The following GALNTL6 variants were observed in gnomAD, a reference collection of about 807,000 sequenced individuals.
GALNTL6 encodes the protein polypeptide N-acetylgalactosaminyltransferase-like 6.
Under a neutral mutation model 73.7 loss-of-function variants are expected in GALNTL6, and 46 were observed. That is an observed-to-expected ratio of 0.62 (90% CI 0.49 to 0.80). GALNTL6 has a LOEUF of 0.80. GALNTL6 is among the 30% of genes least tolerant of loss of function. GALNTL6 has a pLI of 0.00. For missense variants in GALNTL6, 604 were observed against 755.0 expected (o/e 0.80, Z 2.34); for synonymous variants, 259 against 263.7 (o/e 0.98, Z 0.17).
intron 12 of GALNTL6, 73 bp from the exon 13 acceptor site, chr4:173,039,860 T>C: frequency 9.1e-7 from 1 of 1,101,920 alleles, no homozygotes; most frequent in Non-Finnish European, 1.3e-6. Context: ...AATATCTTAC[T>C]TCTGTATATT....
chr4:172,900,806 T>TA (rs1746590427), intron 8 of GALNTL6, among the ~76,000 whole-genome samples: 1 of 152,192 alleles, frequency 6.6e-6, no homozygotes, highest in Non-Finnish European at 1.5e-5. Flanking sequence ...AAGCAAGAGA[T>TA]ACCTGGCTTT....
At chr4:172,051,127 T>G (rs984114420) in intron 2 of GALNTL6, among the ~76,000 whole-genome samples, 1 of 152,084 alleles carries the variant, frequency 6.6e-6, no homozygotes, top group Non-Finnish European at 1.5e-5. Context: ...ACAGGATGTG[T>G]GACAGGGGTG....
intron 2 of GALNTL6, among the ~76,000 whole-genome samples, chr4:172,172,356 C>T (rs1176399918): frequency 2.0e-5 from 3 of 152,080 alleles, no homozygotes; most frequent in African/African-American, 4.8e-5. Flanking sequence ...CGCCACCATG[C>T]CCGGCTAATT....
intron 5 of GALNTL6, among the ~76,000 whole-genome samples, chr4:172,533,618 C>T (rs1015464636): frequency 2.0e-5 from 3 of 151,894 alleles, no homozygotes; most frequent in East Asian, 3.9e-4. Context: ...CCACCACACT[C>T]GCCAGTAATA....
chr4:171,992,507 C>T (rs563875698), intron 2 of GALNTL6, among the ~76,000 whole-genome samples: 78 of 152,148 alleles, frequency 5.1e-4, no homozygotes, highest in African/African-American at 6.7e-4. Flanking sequence ...TGTAATTACA[C>T]TGCCCCACTC....
chr4:172,868,771 C>T (rs540232864), intron 7 of GALNTL6, among the ~76,000 whole-genome samples: 1 of 152,310 alleles, frequency 6.6e-6, no homozygotes, highest in South Asian at 2.1e-4. Context: ...GTCTAAGCAT[C>T]AGATGAAATT....
chr4:172,568,363 A>G (rs368756984), intron 5 of GALNTL6, among the ~76,000 whole-genome samples: 24 of 152,332 alleles, frequency 1.6e-4, no homozygotes, highest in African/African-American at 5.8e-4. Flanking sequence ...CTAGCAGCAC[A>G]AAGGCCTGAC....
intron 5 of GALNTL6, among the ~76,000 whole-genome samples, chr4:172,792,965 T>C (rs2110935541): frequency 6.6e-6 from 1 of 152,296 alleles, no homozygotes; most frequent in East Asian, 1.9e-4. Context: ...AGAATTTGTA[T>C]GTCATTTGTC....
chr4:172,251,300 G>A (rs1456870876), intron 3 of GALNTL6, among the ~76,000 whole-genome samples: 1 of 152,074 alleles, frequency 6.6e-6, no homozygotes, highest in Non-Finnish European at 1.5e-5. Flanking sequence ...TAAAGCAGGT[G>A]GGGAGTAATT....
chr4:172,862,878 A>G (rs1462057808), intron 7 of GALNTL6, among the ~76,000 whole-genome samples: 1 of 152,198 alleles, frequency 6.6e-6, no homozygotes, highest in Non-Finnish European at 1.5e-5. Flanking sequence ...CCAGGAGCCT[A>G]GGAGGAAAAA....
In GALNTL6 at chr4:172,229,641, T is replaced by C; in HGVS notation, c.139-15T>C. The C allele has an allele frequency of 6.4e-7, 1 of 1,558,918 alleles. No individual in the cohort carries two copies. Reference sequence around the variant, plus strand: ...ATACCTCCTTTTTATGCTTGAATACTTTCCTTTTCCACAGACATTTCCACT... The same window carrying C: ...ATACCTCCTTTTTATGCTTGAATACCTTCCTTTTCCACAGACATTTCCACT... On this transcript the variant is annotated splice_polypyrimidine_tract_variant and intron_variant, in intron 2 of 12. Transcript: ENST00000506823.
chr4:172,445,384 T>C (rs1266699346), intron 5 of GALNTL6, among the ~76,000 whole-genome samples: 1 of 152,190 alleles, frequency 6.6e-6, no homozygotes, highest in Non-Finnish European at 1.5e-5. Flanking sequence ...TTCAAAATAG[T>C]ACATTCTGAA....
At chr4:172,125,014 G>C (rs1380699884) in intron 2 of GALNTL6, among the ~76,000 whole-genome samples, 2 of 152,090 alleles carry the variant, frequency 1.3e-5, no homozygotes, top group African/African-American at 4.8e-5. Flanking sequence ...CATAACAGCA[G>C]AGTTAAGACC....
intron 3 of GALNTL6, among the ~76,000 whole-genome samples, chr4:172,310,985 AATT>A (rs1740336975): frequency 6.6e-6 from 1 of 152,146 alleles, no homozygotes; most frequent in African/African-American, 2.4e-5. Context: ...AGATATAAGA[AATT>A]ATTAATTCAT....
intron 5 of GALNTL6, among the ~76,000 whole-genome samples, chr4:172,588,730 A>G (rs1008157928): frequency 1.3e-5 from 2 of 152,126 alleles, no homozygotes; most frequent in African/African-American, 4.8e-5. Context: ...ATACAGTTTA[A>G]AAGACTGAAG....
chr4:172,475,515 C>A (rs1485856064), intron 5 of GALNTL6, among the ~76,000 whole-genome samples: 1 of 151,030 alleles, frequency 6.6e-6, no homozygotes, highest in East Asian at 1.9e-4. Flanking sequence ...AGGTGTTTTT[C>A]CAAGTGGTTA....
chr4:172,533,316 A>ATTTTTTT lies in GALNTL6; in HGVS notation c.553+184647_553+184653dup, dbSNP rs34973148. On this transcript the variant is annotated intron_variant, in intron 5 of 12. Transcript: ENST00000506823. ...GCGTGAGCCGCCGTGCCCGGCCAGA[A>ATTTTTTT]TTTTTTTTTTTTTTTTTTTTTTTTT... 2.3e-4 allele frequency among the ~76,000 whole-genome samples: 18 copies of ATTTTTTT among 77,394 alleles called. 1 individual carries two copies. Among genetic ancestry groups the ATTTTTTT allele is most frequent in the African/African-American group, 3.3e-4 (6 of 17,972 alleles). The allele number at this position is 77,394 out of a possible 152,430, so 50.8% of individuals were successfully genotyped here.
intron 5 of GALNTL6, among the ~76,000 whole-genome samples, chr4:172,589,502 C>T (rs1175342547): frequency 6.6e-6 from 1 of 152,148 alleles, no homozygotes; most frequent in African/African-American, 2.4e-5. Context: ...AGCATTAAGA[C>T]TAACATGATG....
chr4:172,731,853 G>A lies in GALNTL6; in HGVS notation c.554-77508G>A, dbSNP rs75812885. Among the ~76,000 whole-genome samples, 1,029 of 151,950 alleles carry A rather than the reference G, an allele frequency of 6.8e-3. 12 individuals carry two copies. The highest frequency in any genetic ancestry group is 0.02 in the African/African-American group (820 of 41,470). ...TCCATTTGTTTGTGAATTTTCCAGGGTTCATCTTGTTTTTTATTTCTAGTT... is the reference window on the plus strand; with the variant it reads ...TCCATTTGTTTGTGAATTTTCCAGGATTCATCTTGTTTTTTATTTCTAGTT... On this transcript the variant is annotated intron_variant, in intron 5 of 12. Transcript: ENST00000506823.
Sources: allele counts gnomAD v4.1 joint callset (sites outside exome capture counted in the v4.1 genomes callset), GRCh38; gene constraint gnomAD v4.1.1; transcripts MANE v1.5; gene names NCBI Gene and HGNC (gene_info 2026-07-23, HGNC 2026-07-21).